NSMAF: variants seen among roughly 807,000 people sequenced by gnomAD.
NSMAF encodes the protein protein FAN.
A neutral mutation model predicts 134.9 loss-of-function variants in NSMAF; 90 were observed. The observed-to-expected ratio is 0.67, with a 90% CI of 0.56 to 0.79. The LOEUF (loss-of-function observed/expected upper bound fraction) is 0.79, where lower values mean the gene tolerates loss of function less well. Among genes scored for constraint, NSMAF ranks in the 30% least tolerant of loss-of-function variants. The probability of loss-of-function intolerance (pLI) is 0.00; values close to 1 mark genes in which losing one functional copy is unlikely to be tolerated. For missense variants in NSMAF, 1,010 were observed against 1,119.0 expected (o/e 0.90, Z 1.39); for synonymous variants, 358 against 389.6 (o/e 0.92, Z 0.96).
rs1563526750 is a variant in NSMAF at position 58,599,111 on chromosome 8, T to C, written c.1585+121A>G. ...ACAGAACATGCTTCCACTGAAGAAA[T>C]AAGACTAATTGCTTTGGCCTCATTT... On this transcript the variant is annotated intron_variant, in intron 19 of 30. Transcript: ENST00000038176. 6.5e-6 allele frequency: 6 copies of C among 922,576 alleles called. No homozygotes were observed. In the South Asian group the frequency reaches 6.7e-5, roughly 10 times the overall value. 57.1% of individuals were successfully genotyped at this position (922,576 alleles called of 1,614,324 possible).
chr8:58,599,329 T>C lies in NSMAF; in HGVS notation c.1488A>G (p.Ala496=). The change falls in exon 19 of 31, where the codon GCA becomes GCG. Residue 496 remains alanine (A), a synonymous_variant. Transcript: ENST00000038176. ...GTTCAGACACATAATTGCTTTCCAA[T>C]GCATCTTTGCTCTTCTGGAGAAAGT... The part of the protein sequence containing the change: ...PEDFLQKSKD[A]LESNYVSEHL... 1.2e-6 allele frequency: 2 copies of C among 1,614,106 alleles called. No individual in the cohort carries two copies. The highest frequency in any genetic ancestry group is 1.7e-6 in the Non-Finnish European group (2 of 1,179,970).
chr8:58,639,501 G>C (rs1293906050), intron 2 of NSMAF, among the ~76,000 whole-genome samples: 1 of 152,142 alleles, frequency 6.6e-6, no homozygotes, highest in Non-Finnish European at 1.5e-5. Context: ...ATATACTGCT[G>C]GTGGGAATAT....
At chr8:58,632,559 G>A (rs898088579) in intron 5 of NSMAF, among the ~76,000 whole-genome samples, 13 of 151,998 alleles carry the variant, frequency 8.6e-5, no homozygotes, top group South Asian at 2.1e-4. Context: ...TACTCCTTCC[G>A]TCTACTTTTG....
rs543816748 is a variant in NSMAF, at chr8:58,639,100, C to T, written c.150-3554G>A. 4.6e-5 allele frequency among the ~76,000 whole-genome samples: 7 copies of T among 152,052 alleles called. No homozygotes were observed. The South Asian group carries it at 1.2e-3, about 27-fold the overall frequency. On this transcript the variant is annotated intron_variant, in intron 2 of 30. Transcript: ENST00000038176. ...GAGATCGACACCATCCTGGCTAACA[C>T]GGTGAAACCCCGTCTCTAATAAAAA... is the stretch of plus-strand genomic sequence containing the variant.
At chr8:58,598,873 A>G (rs1806205974) in intron 19 of NSMAF, among the ~76,000 whole-genome samples, 1 of 152,020 alleles carries the variant, frequency 6.6e-6, no homozygotes, top group African/African-American at 2.4e-5. Flanking sequence ...AAAATACAAA[A>G]AAATTAGCTG....
At chr8:58,593,021 G>A (rs1053843830) in intron 23 of NSMAF, among the ~76,000 whole-genome samples, 4 of 152,126 alleles carry the variant, frequency 2.6e-5, no homozygotes, top group South Asian at 4.1e-4. Flanking sequence ...TCAAATTCAT[G>A]GTTAACAAGG....
At chr8:58,640,492 T>A (rs1481976065) in intron 2 of NSMAF, among the ~76,000 whole-genome samples, 1 of 152,154 alleles carries the variant, frequency 6.6e-6, no homozygotes, top group Non-Finnish European at 1.5e-5. Flanking sequence ...TATACATGCA[T>A]GTATAAAATA....
At chr8:58,589,664 T>C (rs1805979588) in intron 25 of NSMAF, 89 bp from the exon 26 acceptor site, 1 of 1,287,516 alleles carries the variant, frequency 7.8e-7, no homozygotes, top group Non-Finnish European at 1.1e-6. Flanking sequence ...TGTTGTTTCA[T>C]TCTATACTTA....
At chr8:58,624,035 A>ATTTTTTTTTTTTTTTTTTTTTTTTTTT (rs11431046) in intron 6 of NSMAF, among the ~76,000 whole-genome samples, 2 of 99,098 alleles carry the variant, frequency 2.0e-5, no homozygotes, top group African/African-American at 4.1e-5. Context: ...TAGAGTTAGG[A>ATTTTTTTTTTTTTTTTTTTTTTTTTTT]TTTTTTTTTT....
chr8:58,644,204 T>C (rs1006535328), intron 1 of NSMAF, among the ~76,000 whole-genome samples: 3 of 152,320 alleles, frequency 2.0e-5, no homozygotes, highest in East Asian at 3.9e-4. Context: ...ATTACACATA[T>C]ATGTTTATTT....
intron 2 of NSMAF, among the ~76,000 whole-genome samples, 166 bp downstream of exon 2, chr8:58,642,818 T>C (rs191083096): frequency 1.3e-5 from 2 of 152,274 alleles, no homozygotes; most frequent in African/African-American, 2.4e-5. Flanking sequence ...TCCAAAAGAC[T>C]CTCCTAGGTT....
intron 2 of NSMAF, chr8:58,639,948 G>C: frequency 2.7e-6 from 1 of 367,800 alleles, no homozygotes. Context: ...ATTCAAAGAA[G>C]AGACAAGAAT....
intron 6 of NSMAF, among the ~76,000 whole-genome samples, chr8:58,628,887 C>T (rs1236560010): frequency 6.6e-6 from 1 of 152,154 alleles, no homozygotes; most frequent in Non-Finnish European, 1.5e-5. Flanking sequence ...AATTTTCTGA[C>T]CTGCAAGCTT....
At chr8:58,612,753 T>C (rs1362270706) in intron 9 of NSMAF, among the ~76,000 whole-genome samples, 1 of 152,116 alleles carries the variant, frequency 6.6e-6, no homozygotes. Flanking sequence ...CCCTTTGGTA[T>C]AGGAAAAAGC....
At chr8:58,595,469 C>T in intron 22 of NSMAF, 91 bp downstream of exon 22, 1 of 844,264 alleles carries the variant, frequency 1.2e-6, no homozygotes, top group Admixed American at 2.1e-5. Context: ...AATTTTCCCT[C>T]TGACTCAGCT....
chr8:58,603,672 T>A (rs1806338605), intron 12 of NSMAF, among the ~76,000 whole-genome samples: 1 of 152,166 alleles, frequency 6.6e-6, no homozygotes, highest in South Asian at 2.1e-4. Context: ...TATATAAATA[T>A]TACATGTTAA....
At chr8:58,637,773 C>T (rs758146007) in intron 2 of NSMAF, among the ~76,000 whole-genome samples, 1 of 152,036 alleles carries the variant, frequency 6.6e-6, no homozygotes, top group Non-Finnish European at 1.5e-5. Context: ...AAACAAAACA[C>T]TTAGGAATAA....
At chr8:58,597,646 C>A (rs115905537) in intron 20 of NSMAF, 96 bp from the exon 21 acceptor site, 9 of 1,200,514 alleles carry the variant, frequency 7.5e-6, no homozygotes, top group Non-Finnish European at 1.1e-5. Flanking sequence ...GAGGGACTAA[C>A]CCTCAAATAA....
intron 16 of NSMAF, 106 bp from the exon 17 acceptor site, chr8:58,600,127 G>T: frequency 1.3e-6 from 1 of 792,490 alleles, no homozygotes; most frequent in Non-Finnish European, 2.1e-6. Context: ...ATTAACTTCT[G>T]TTTGTCATTT....
Sources: gnomAD v4.1 joint callset for allele counts (sites outside exome capture counted in the v4.1 genomes callset) on GRCh38, gnomAD v4.1.1 for gene constraint, MANE v1.5 for transcripts, NCBI Gene and HGNC (gene_info 2026-07-23, HGNC 2026-07-21) for gene names.